KCNB2: variants seen among roughly 807,000 people sequenced by gnomAD.
KCNB2 encodes the protein delayed rectifier potassium channel protein.
KCNB2 carries 15 observed loss-of-function variants against 61.5 expected under a neutral mutation model. The observed-to-expected ratio is 0.24, with a 90% CI of 0.16 to 0.38. KCNB2 has a LOEUF of 0.38. Among genes scored for constraint, KCNB2 ranks in the 10% least tolerant of loss-of-function variants. The pLI is 1.00. For synonymous variants in KCNB2, 457 were observed against 446.0 expected (o/e 1.02, Z -0.31); for missense variants, 828 against 1,125.2 (o/e 0.74, Z 3.78).
intron 2 of KCNB2, among the ~76,000 whole-genome samples, chr8:72,753,824 A>G (rs1458245571): frequency 6.6e-6 from 1 of 152,224 alleles, no homozygotes; most frequent in Non-Finnish European, 1.5e-5. Context: ...TAGCCAATCA[A>G]AAATTAGCCT....
intron 2 of KCNB2, among the ~76,000 whole-genome samples, chr8:72,799,901 G>A (rs912813564): frequency 2.0e-5 from 3 of 152,148 alleles, no homozygotes; most frequent in Non-Finnish European, 4.4e-5. Context: ...CTTAGAGCAG[G>A]ACAGTTTACC....
intron 2 of KCNB2, among the ~76,000 whole-genome samples, chr8:72,887,863 T>C (rs148451544): frequency 5.3e-5 from 8 of 152,314 alleles, no homozygotes; most frequent in African/African-American, 1.9e-4. Context: ...GAGCTTGGAA[T>C]GTGAACAGGC....
chr8:72,850,944 A>C (rs747042155), intron 2 of KCNB2, among the ~76,000 whole-genome samples: 9 of 152,214 alleles, frequency 5.9e-5, no homozygotes, highest in Non-Finnish European at 7.3e-5. Context: ...TATTCCATAG[A>C]GCTCCTCTTA....
intron 2 of KCNB2, among the ~76,000 whole-genome samples, chr8:72,764,070 C>A (rs1338162821): frequency 1.3e-5 from 2 of 152,072 alleles, no homozygotes; most frequent in African/African-American, 4.8e-5. Context: ...CAGTAACCAA[C>A]AACCACTGAG....
chr8:72,573,450 G>A (rs956646026), intron 2 of KCNB2, among the ~76,000 whole-genome samples: 2 of 152,172 alleles, frequency 1.3e-5, no homozygotes, highest in African/African-American at 4.8e-5. Flanking sequence ...ATAACAATAG[G>A]CATTAAAACC....
intron 2 of KCNB2, among the ~76,000 whole-genome samples, chr8:72,828,852 T>C (rs1186585240): frequency 6.6e-6 from 1 of 152,220 alleles, no homozygotes; most frequent in Non-Finnish European, 1.5e-5. Context: ...CAAAGAAAGC[T>C]TAACATTTTT....
intron 2 of KCNB2, among the ~76,000 whole-genome samples, chr8:72,709,605 T>C (rs1308552632): frequency 6.6e-6 from 1 of 151,778 alleles, no homozygotes; most frequent in Non-Finnish European, 1.5e-5. Context: ...AATAACCAGA[T>C]TACTCTTCAA....
chr8:72,688,236 G>A (rs1162852100), intron 2 of KCNB2, among the ~76,000 whole-genome samples: 1 of 152,154 alleles, frequency 6.6e-6, no homozygotes, highest in Non-Finnish European at 1.5e-5. Flanking sequence ...TAACTTTCAG[G>A]TTAAAAAATC....
At chr8:72,748,282 A>G (rs937386938) in intron 2 of KCNB2, among the ~76,000 whole-genome samples, 3 of 152,086 alleles carry the variant, frequency 2.0e-5, no homozygotes, top group Non-Finnish European at 4.4e-5. Context: ...CCTTCTGAAG[A>G]CACTTACTGA....
At chr8:72,619,248 G>A (rs986503892) in intron 2 of KCNB2, 4 of 610,226 alleles carry the variant, frequency 6.6e-6, no homozygotes, top group African/African-American at 1.8e-5. Flanking sequence ...TTTCAAGGGC[G>A]ATGTGCTGTC....
chr8:72,889,980 C>G (rs1262151004), intron 2 of KCNB2, among the ~76,000 whole-genome samples: 1 of 152,128 alleles, frequency 6.6e-6, no homozygotes, highest in African/African-American at 2.4e-5. Context: ...CTCCTGACCT[C>G]AAATGATCCA....
chr8:72,716,752 C>G (rs2128992356), intron 2 of KCNB2, among the ~76,000 whole-genome samples: 1 of 152,088 alleles, frequency 6.6e-6, no homozygotes, highest in Non-Finnish European at 1.5e-5. Context: ...AAAACTGGCA[C>G]AAGACAGGGA....
chr8:72,934,570 G>A (rs909781751), intron 2 of KCNB2, among the ~76,000 whole-genome samples: 1 of 152,098 alleles, frequency 6.6e-6, no homozygotes, highest in Non-Finnish European at 1.5e-5. Flanking sequence ...GTACTGAGTT[G>A]TGTGGTATCA....
At chr8:72,827,132 G>A (rs1350346509) in intron 2 of KCNB2, among the ~76,000 whole-genome samples, 1 of 152,102 alleles carries the variant, frequency 6.6e-6, no homozygotes, top group Non-Finnish European at 1.5e-5. Context: ...GACTTAGCAG[G>A]GAGAGATTGA....
In KCNB2 at chr8:72,735,224, T is replaced by C. The variant is rs117502504; in HGVS notation, c.579+166911T>C. On this transcript the variant is annotated intron_variant, in intron 2 of 2. Transcript: ENST00000523207. ...AAGTTCCATTATTTAACACAAATTG[T>C]ACAAATAAGAATTGGTCACCAGGAA... 2.5e-3 allele frequency among the ~76,000 whole-genome samples: 377 copies of C among 152,336 alleles called. 2 individuals are homozygous for C. The highest frequency in any genetic ancestry group is 4.2e-3 in the Non-Finnish European group (283 of 68,034).
rs1251004355 is a variant in KCNB2, at chr8:72,731,420, T to C, written c.579+163107T>C. 3.3e-5 allele frequency among the ~76,000 whole-genome samples: 5 copies of C among 152,356 alleles called. No individual in the cohort carries two copies. The East Asian group carries it at 7.7e-4, about 23-fold the overall frequency. On this transcript the variant is annotated intron_variant, in intron 2 of 2. Transcript: ENST00000523207. ...TCCTCATTTTGAACATTAATCATCA[T>C]TGTATGTTAAACATGGAAGTATCTG...
chr8:72,683,662 T>A (rs1806799963), intron 2 of KCNB2, among the ~76,000 whole-genome samples: 1 of 152,102 alleles, frequency 6.6e-6, no homozygotes, highest in East Asian at 1.9e-4. Context: ...CCAGTGGAGT[T>A]TGAGGAGCTC....
intron 2 of KCNB2, among the ~76,000 whole-genome samples, chr8:72,861,628 T>G (rs980763824): frequency 1.3e-4 from 20 of 152,116 alleles, no homozygotes; most frequent in Admixed American, 2.6e-4. Context: ...GGTGGGCCGC[T>G]CACCCAGCCT....
chr8:72,930,976 A>T (rs1464344354), intron 2 of KCNB2, among the ~76,000 whole-genome samples: 1 of 152,186 alleles, frequency 6.6e-6, no homozygotes. Flanking sequence ...ACTTTTGTAT[A>T]AGGTGTAAGG....
Sources: allele counts gnomAD v4.1 joint callset (sites outside exome capture counted in the v4.1 genomes callset), GRCh38; gene constraint gnomAD v4.1.1; transcripts MANE v1.5; gene names NCBI Gene and HGNC (gene_info 2026-07-23, HGNC 2026-07-21).